The following PHACTR2 variants were observed in gnomAD, a reference collection of about 807,000 sequenced individuals.
The protein encoded by PHACTR2 is phosphatase and actin regulator 2.
Under a neutral mutation model 76.0 loss-of-function variants are expected in PHACTR2, and 30 were observed. That is an observed-to-expected ratio of 0.39 (90% CI 0.30 to 0.54). The LOEUF is 0.54. Among genes scored for constraint, PHACTR2 ranks in the 20% least tolerant of loss-of-function variants. PHACTR2 has a pLI of 0.61. For synonymous variants in PHACTR2, 292 were observed against 292.5 expected, an observed-to-expected ratio of 1.00 and a Z score of 0.02; for missense variants, 696 against 781.1, an observed-to-expected ratio of 0.89 and a Z score of 1.30.
At chr6:143,614,902 G>T (rs1776037556) in intron 1 of PHACTR2, among the ~76,000 whole-genome samples, 1 of 152,176 alleles carries the variant, frequency 6.6e-6, no homozygotes, top group African/African-American at 2.4e-5. Context: ...CAATTCACAT[G>T]AAATGTTAAA....
At position 143,678,633 on chromosome 6, in the gene PHACTR2, A is replaced by G. The variant is rs536988413; in HGVS notation, c.46+424A>G. On this transcript the variant is annotated intron_variant, in intron 1 of 12. Transcript: ENST00000440869. This position sits in a 1 kb window ranked among gnomAD's most constrained non-coding sequence, Gnocchi z 6.2. ...TGCTTTCAAGCTTGTCAACTGATTT[A>G]TGGTTTGTTATTCGGAGTAGAAGCG... Among the ~76,000 whole-genome samples the G allele has an allele frequency of 2.0e-5, 3 of 152,318 alleles. No individual in the cohort carries two copies. In the South Asian group the frequency reaches 6.2e-4, roughly 32 times the overall value.
In PHACTR2 at chr6:143,753,731, T is replaced by C. The variant is rs1244954781; in HGVS notation, c.296-23T>C. ...TAAGAAAGCCAGCAAGTTAGACATCTAGGTGTTTCTTTCCCATTTTAGATG... is the reference window on the plus strand; with the variant it reads ...TAAGAAAGCCAGCAAGTTAGACATCCAGGTGTTTCTTTCCCATTTTAGATG... On this transcript the variant is annotated intron_variant, in intron 3 of 12. Coordinates refer to ENST00000440869, the MANE Select transcript of PHACTR2 (RefSeq NM_001100164.2). The surrounding 1 kb of genome is among the most constrained non-coding windows in gnomAD (Gnocchi z 4.6). 1.3e-6 allele frequency: 2 copies of C among 1,554,384 alleles called. No individual in the cohort carries two copies. Among genetic ancestry groups the C allele is most frequent in the Non-Finnish European group, 1.7e-6 (2 of 1,150,488 alleles).
chr6:143,788,821 C>T lies in PHACTR2; in HGVS notation c.1756C>T (p.Arg586Ter), dbSNP rs761764697. 3 of 1,613,312 alleles carry T rather than the reference C, an allele frequency of 1.9e-6. No individual in the cohort carries two copies. Among genetic ancestry groups the T allele is most frequent in the Non-Finnish European group, 2.5e-6 (3 of 1,179,308 alleles). Residue 586 changes from arginine (R) to a stop codon, truncating the protein, a stop_gained, in exon 11 of 13, where the codon CGA becomes TGA. Transcript: ENST00000440869. LOFTEE classifies it high-confidence loss of function. ...VAELQARRIL[R>*]FNEYVEVTDS... The stretch of plus-strand genomic sequence containing the variant: ...AGAGCTACAAGCTCGAAGGATCCTG[C>T]GATTTAACGAGTATGTAGAAGTCAC...
Position 143,800,881 on chromosome 6 carries a change from G to T in PHACTR2, c.1846-6176G>T, listed in dbSNP as rs1775938747. Reference sequence around the variant, plus strand: ...GTGCTTCCTTCAGGAGCTCTTGTAAGGCAGGCCTGGTGATGACAAAATCTC... The same window carrying T: ...GTGCTTCCTTCAGGAGCTCTTGTAATGCAGGCCTGGTGATGACAAAATCTC... On this transcript the variant is annotated intron_variant, in intron 11 of 12. Coordinates refer to ENST00000440869, the MANE Select transcript of PHACTR2 (RefSeq NM_001100164.2). This position sits in a 1 kb window ranked among gnomAD's most constrained non-coding sequence, Gnocchi z 4.8. 6.6e-6 allele frequency among the ~76,000 whole-genome samples: 1 copy of T among 152,208 alleles called. No homozygotes were observed. The highest frequency in any genetic ancestry group is 2.4e-5 in the African/African-American group (1 of 41,456).
rs9390143 is a variant in PHACTR2, at chr6:143,818,248, A to G, written c.1923-5426A>G. On this transcript the variant is annotated intron_variant, in intron 12 of 12. Transcript: ENST00000440869. The surrounding 1 kb of genome is among the most constrained non-coding windows in gnomAD (Gnocchi z 4.9). ...GAGAACACCAGAAAATCACCCCTTC[A>G]AATAGAAGTACAGATGAAGACATGT... 0.45 allele frequency among the ~76,000 whole-genome samples: 67,910 copies of G among 151,840 alleles called. 15,513 individuals carry two copies. Among genetic ancestry groups the G allele is most frequent in the Admixed American group, 0.53 (8,113 of 15,256 alleles).
intron 1 of PHACTR2, among the ~76,000 whole-genome samples, chr6:143,575,206 T>G (rs9496677): frequency 6.6e-6 from 1 of 152,102 alleles, no homozygotes; most frequent in Non-Finnish European, 1.5e-5. Flanking sequence ...TGTTTATACA[T>G]AGTCTTTGAA....
rs1292688203 is a variant in PHACTR2 at position 143,697,303 on chromosome 6, TG to T, written c.47-14712del. ...TTGTTTCTTTGCCATGGAACAAAAT[TG>T]CTTTTCTGGCTTCCCCAATTAGGAG... On this transcript the variant is annotated intron_variant, in intron 1 of 12. Transcript: ENST00000440869. This position sits in a 1 kb window ranked among gnomAD's most constrained non-coding sequence, Gnocchi z 4.4. 6.6e-6 allele frequency among the ~76,000 whole-genome samples: 1 copy of T among 152,216 alleles called. No individual in the cohort carries two copies. The highest frequency in any genetic ancestry group is 2.4e-5 in the African/African-American group (1 of 41,446).
intron 2 of PHACTR2, 172 bp from the exon 3 acceptor site, chr6:143,748,811 CTT>C (rs1242309970): frequency 2.2e-6 from 1 of 461,684 alleles, no homozygotes; most frequent in African/African-American, 2.0e-5. Context: ...GCCATTTGCT[CTT>C]GTCATAGCTG....
intron 1 of PHACTR2, among the ~76,000 whole-genome samples, chr6:143,702,103 C>T (rs1777927548): frequency 1.3e-5 from 2 of 149,870 alleles, no homozygotes; most frequent in East Asian, 3.9e-4. Flanking sequence ...TATTGCTTGT[C>T]CTGATTGTGC....
chr6:143,766,683 G>A lies in PHACTR2; in HGVS notation c.1232+885G>A, dbSNP rs554660002. Among the ~76,000 whole-genome samples, 227 of 152,290 alleles carry A rather than the reference G, an allele frequency of 1.5e-3. 1 individual carries two copies. Among genetic ancestry groups the A allele is most frequent in the Middle Eastern group, 6.8e-3 (2 of 294 alleles). On this transcript the variant is annotated intron_variant, in intron 6 of 12. Transcript: ENST00000440869. ...TTACCTCACCCTCATCCAGTTGGTG[G>A]GTTAGTTGCTTTACCACCACCCAGT...
intron 1 of PHACTR2, among the ~76,000 whole-genome samples, chr6:143,622,653 T>C (rs970737728): frequency 6.6e-6 from 1 of 152,212 alleles, no homozygotes; most frequent in Non-Finnish European, 1.5e-5. Flanking sequence ...TGTAGCCAAA[T>C]GCAAACGATG....
intron 6 of PHACTR2, among the ~76,000 whole-genome samples, chr6:143,770,361 G>T (rs1277863367): frequency 2.0e-5 from 3 of 152,156 alleles, no homozygotes; most frequent in Non-Finnish European, 4.4e-5. Flanking sequence ...TAATGGTTAT[G>T]GGGAGTTGTT....
chr6:143,676,251 T>C (rs1247585907), upstream of PHACTR2, among the ~76,000 whole-genome samples: 2 of 152,218 alleles, frequency 1.3e-5, no homozygotes, highest in East Asian at 1.9e-4. This position sits in a 1 kb window ranked among gnomAD's most constrained non-coding sequence, Gnocchi z 4.8. Context: ...AAGGTAAATA[T>C]AGCTGTATTA....
rs1391388769 is a variant in PHACTR2 at position 143,627,809 on chromosome 6, G to A, written c.13+19487G>A. 6.6e-6 allele frequency among the ~76,000 whole-genome samples: 1 copy of A among 151,918 alleles called. No individual in the cohort carries two copies. The highest frequency in any genetic ancestry group is 2.4e-5 in the African/African-American group (1 of 41,340). On this transcript the variant is annotated intron_variant, in intron 1 of 11. Transcript: ENST00000305766. This position sits in a 1 kb window ranked among gnomAD's most constrained non-coding sequence, Gnocchi z 4.3. ...GTAGAGATGGAGTTTCACTATGTTA[G>A]CCAGGTTGGTCTCGATCTCCTGACC...
At chr6:143,706,775 G>A (rs571531407) in intron 1 of PHACTR2, among the ~76,000 whole-genome samples, 175 of 152,276 alleles carry the variant, frequency 1.1e-3, no homozygotes, top group Middle Eastern at 3.4e-3. Context: ...TTTAGACAAC[G>A]GAAGGCAAGG....
rs1480731904 is a variant in PHACTR2 at position 143,811,829 on chromosome 6, A to G, written c.1922+4696A>G. Among the ~76,000 whole-genome samples the G allele has an allele frequency of 1.3e-5, 2 of 152,214 alleles. No individual in the cohort carries two copies. The highest frequency in any genetic ancestry group is 2.9e-5 in the Non-Finnish European group (2 of 68,044). On this transcript the variant is annotated intron_variant, in intron 12 of 12. Coordinates refer to ENST00000440869, the MANE Select transcript of PHACTR2 (RefSeq NM_001100164.2). The surrounding 1 kb of genome is among the most constrained non-coding windows in gnomAD (Gnocchi z 4.1). ...TCTGGTAATCACTACTCTTTCTAAT[A>G]AAAATAATACAAAAACATGATCCAG... is the stretch of plus-strand genomic sequence containing the variant.
chr6:143,739,908 A>G lies in PHACTR2; in HGVS notation c.215-9077A>G, dbSNP rs17073025. 0.019 allele frequency among the ~76,000 whole-genome samples: 2,868 copies of G among 152,186 alleles called. 84 individuals are homozygous for G. The highest frequency in any genetic ancestry group is 0.066 in the African/African-American group (2,731 of 41,506). On this transcript the variant is annotated intron_variant, in intron 2 of 12. Transcript: ENST00000440869. This position sits in a 1 kb window ranked among gnomAD's most constrained non-coding sequence, Gnocchi z 4.3. Reference sequence around the variant, plus strand: ...ACCTGAAATTTGTAAACTATTATATACTTTTGTTACAGGAACTGGGTCCTG... The same window carrying G: ...ACCTGAAATTTGTAAACTATTATATGCTTTTGTTACAGGAACTGGGTCCTG...
At chr6:143,677,798 A>T (rs1777277533), upstream of PHACTR2, among the ~76,000 whole-genome samples, 1 of 152,260 alleles carries the variant, frequency 6.6e-6, no homozygotes, top group East Asian at 1.9e-4. Flanking sequence ...TGAACTCCCT[A>T]CCACCCTGAG....
intron 2 of PHACTR2, among the ~76,000 whole-genome samples, chr6:143,717,176 C>CT (rs1206681575): frequency 6.6e-6 from 1 of 152,160 alleles, no homozygotes; most frequent in East Asian, 1.9e-4. Flanking sequence ...GGTCCCTTGG[C>CT]TTTTCTTCTT....
Sources: gnomAD v4.1 joint callset for allele counts (sites outside exome capture counted in the v4.1 genomes callset) on GRCh38, gnomAD v4.1.1 for gene constraint, Gnocchi (gnomAD v3.1) non-coding constraint, MANE v1.5 for transcripts, NCBI Gene and HGNC (gene_info 2026-07-23, HGNC 2026-07-21) for gene names.